The following MLLT10 variants were observed in gnomAD, a reference collection of about 807,000 sequenced individuals.
MLLT10 encodes MLLT10 histone lysine methyltransferase DOT1L cofactor.
MLLT10 carries 30 observed loss-of-function variants against 129.1 expected under a neutral mutation model. The ratio of observed to expected loss-of-function variants is 0.23; its 90% CI spans 0.17 to 0.32. The LOEUF (loss-of-function observed/expected upper bound fraction) is 0.32, where lower values mean the gene tolerates loss of function less well. MLLT10 is among the 10% of genes least tolerant of loss of function. MLLT10 has a pLI of 1.00. For synonymous variants in MLLT10, 490 were observed against 446.4 expected (o/e 1.10, Z -1.23); for missense variants, 1,119 against 1,268.3 (o/e 0.88, Z 1.79).
At chr10:21,626,495 C>T (rs2046450789) in intron 8 of MLLT10, among the ~76,000 whole-genome samples, 1 of 152,074 alleles carries the variant, frequency 6.6e-6, no homozygotes, top group African/African-American at 2.4e-5. Flanking sequence ...AAGAATCAAC[C>T]CAGCCTCATG....
At chr10:21,653,800 T>C (rs1410889553) in intron 9 of MLLT10, among the ~76,000 whole-genome samples, 1 of 152,220 alleles carries the variant, frequency 6.6e-6, no homozygotes, top group Non-Finnish European at 1.5e-5. Flanking sequence ...TAGTCTGGTA[T>C]TCAGAAAAGA....
At chr10:21,593,926 T>TAAAAAAAAAAAAAAAAAAAA (rs61561146) in intron 4 of MLLT10, among the ~76,000 whole-genome samples, 1 of 45,426 alleles carries the variant, frequency 2.2e-5, no homozygotes. Flanking sequence ...GCTTTGTCTT[T>TAAAAAAAAAAAAAAAAAAAA]AAAAAAAAAA....
intron 3 of MLLT10, among the ~76,000 whole-genome samples, chr10:21,548,749 A>AT (rs2036502738): frequency 6.6e-6 from 1 of 151,620 alleles, no homozygotes; most frequent in Non-Finnish European, 1.5e-5. Context: ...CAGTGAATTA[A>AT]TTTTTTTCTG....
At chr10:21,602,576 A>T (rs1254625151) in intron 5 of MLLT10, among the ~76,000 whole-genome samples, 1 of 152,184 alleles carries the variant, frequency 6.6e-6, no homozygotes, top group African/African-American at 2.4e-5. Flanking sequence ...ATGTGACACT[A>T]GGGGCATATA....
intron 9 of MLLT10, among the ~76,000 whole-genome samples, chr10:21,669,559 C>T (rs1171682690): frequency 1.3e-5 from 2 of 152,124 alleles, no homozygotes; most frequent in African/African-American, 2.4e-5. Flanking sequence ...ATGTAGCAAG[C>T]ACTTAGTGAA....
intron 17 of MLLT10, among the ~76,000 whole-genome samples, chr10:21,731,569 T>TA (rs1182244664): frequency 1.3e-5 from 2 of 152,174 alleles, no homozygotes; most frequent in Non-Finnish European, 2.9e-5. Flanking sequence ...AAACTTACTT[T>TA]AAAAAATACA....
At chr10:21,662,587 T>C (rs2050322338) in intron 9 of MLLT10, among the ~76,000 whole-genome samples, 1 of 152,238 alleles carries the variant, frequency 6.6e-6, no homozygotes, top group Non-Finnish European at 1.5e-5. Flanking sequence ...GCATATGTTC[T>C]TGCATGTTGT....
At chr10:21,538,606 C>G (rs1039838330) in intron 2 of MLLT10, among the ~76,000 whole-genome samples, 5 of 152,030 alleles carry the variant, frequency 3.3e-5, no homozygotes, top group African/African-American at 1.2e-4. Flanking sequence ...TGCACCCAGC[C>G]TTGATTTATT....
At position 21,534,583 on chromosome 10, in the gene MLLT10, T is replaced by TG. The variant is rs1164818289; in HGVS notation, c.1-55dup. 5.8e-5 allele frequency: 74 copies of TG among 1,267,236 alleles called. No individual in the cohort carries two copies. In the Middle Eastern group the frequency reaches 9.3e-4, roughly 16 times the overall value. The allele number at this position is 1,267,236 out of a possible 1,614,324, so 78.5% of individuals were successfully genotyped here. A position where few individuals can be genotyped will look rare whatever the true frequency, so the allele number is the denominator to read the frequency against. On this transcript the variant is annotated intron_variant, in intron 1 of 22. Coordinates refer to ENST00000307729, the MANE Select transcript of MLLT10 (RefSeq NM_001195626.3). ...GCCGGGGCGGGCTCGGGGGGCTGTG[T>TG]GGGGGGGAAGCACTAATCGGCTTGC...
At chr10:21,721,427 C>T (rs1330310828) in intron 14 of MLLT10, among the ~76,000 whole-genome samples, 1 of 152,144 alleles carries the variant, frequency 6.6e-6, no homozygotes, top group Non-Finnish European at 1.5e-5. Context: ...GTTTCACATT[C>T]AGTTAATTGA....
At chr10:21,669,784 C>G (rs2051197707) in intron 9 of MLLT10, among the ~76,000 whole-genome samples, 1 of 152,136 alleles carries the variant, frequency 6.6e-6, no homozygotes, top group African/African-American at 2.4e-5. Flanking sequence ...AAGTCTTCAT[C>G]TTTTTACCTT....
At chr10:21,621,616 C>T (rs1404179547) in intron 8 of MLLT10, among the ~76,000 whole-genome samples, 64 of 147,688 alleles carry the variant, frequency 4.3e-4, no homozygotes, top group African/African-American at 1.6e-3. Context: ...GCCCCCCCCA[C>T]CCCGCCCCCG....
At chr10:21,585,141 C>T (rs1322023743) in intron 3 of MLLT10, among the ~76,000 whole-genome samples, 2 of 151,918 alleles carry the variant, frequency 1.3e-5, no homozygotes. Context: ...CCAGGCTGGT[C>T]TTGAACCCCT....
chr10:21,737,868 C>T (rs1182470059), intron 21 of MLLT10, among the ~76,000 whole-genome samples: 2 of 152,150 alleles, frequency 1.3e-5, no homozygotes, highest in East Asian at 1.9e-4. Flanking sequence ...TATTTATGTA[C>T]TATTTTGCTG....
At chr10:21,568,726 C>T (rs1490308884) in intron 3 of MLLT10, among the ~76,000 whole-genome samples, 1 of 152,146 alleles carries the variant, frequency 6.6e-6, no homozygotes, top group Non-Finnish European at 1.5e-5. Context: ...CAAACTCCGC[C>T]TCCCGGGTTC....
chr10:21,704,026 T>G lies in MLLT10; in HGVS notation c.1700-9746T>G, dbSNP rs1204567793. Reference sequence around the variant, plus strand: ...TTTCGATTGTTTTTTGTTTTTTTTTTTTTTTTTTTTTTTGATGGAGTGTTG... The same window carrying G: ...TTTCGATTGTTTTTTGTTTTTTTTTGTTTTTTTTTTTTTGATGGAGTGTTG... On this transcript the variant is annotated intron_variant, in intron 13 of 22. Transcript: ENST00000307729. Among the ~76,000 whole-genome samples, 113 of 137,092 alleles carry G rather than the reference T, an allele frequency of 8.2e-4. 1 individual carries two copies. Among genetic ancestry groups the G allele is most frequent in the African/African-American group, 2.9e-3 (108 of 36,960 alleles). 89.9% of individuals were successfully genotyped at this position (137,092 alleles called of 152,430 possible). A position where few individuals can be genotyped will look rare whatever the true frequency, so the allele number is the denominator to read the frequency against.
At chr10:21,561,237 T>C (rs2038760384) in intron 3 of MLLT10, among the ~76,000 whole-genome samples, 1 of 152,140 alleles carries the variant, frequency 6.6e-6, no homozygotes, top group Non-Finnish European at 1.5e-5. Context: ...GTTGTTGCTC[T>C]TTTATTTATT....
Position 21,548,376 on chromosome 10 carries a change from C to CT in MLLT10, c.240+9479dup, listed in dbSNP as rs749491589. Among the ~76,000 whole-genome samples, 896 of 140,834 alleles carry CT rather than the reference C, an allele frequency of 6.4e-3. 13 individuals are homozygous for CT. The highest frequency in any genetic ancestry group is 0.017 in the African/African-American group (667 of 38,668). 92.4% of individuals were successfully genotyped at this position (140,834 alleles called of 152,430 possible). On this transcript the variant is annotated intron_variant, in intron 3 of 22. Coordinates refer to ENST00000307729, the MANE Select transcript of MLLT10 (RefSeq NM_001195626.3). ...TTGTCTTTCATATTTTCTATCTTAT[C>CT]TTTTTTTTTTTTTTTGAGACGGAGC... is the stretch of plus-strand genomic sequence containing the variant.
At chr10:21,653,676 G>T (rs1035706223) in intron 9 of MLLT10, among the ~76,000 whole-genome samples, 1 of 152,154 alleles carries the variant, frequency 6.6e-6, no homozygotes, top group East Asian at 1.9e-4. Flanking sequence ...GGATTAGAAT[G>T]TGGACATCTT....
Sources: gnomAD v4.1 joint callset for allele counts (sites outside exome capture counted in the v4.1 genomes callset) on GRCh38, gnomAD v4.1.1 for gene constraint, MANE v1.5 for transcripts, NCBI Gene and HGNC (gene_info 2026-07-23, HGNC 2026-07-21) for gene names.